The following PLA2G4C variants were observed in gnomAD, a reference collection of about 807,000 sequenced individuals.
The protein encoded by PLA2G4C is phospholipase A2 group IVC.
In PLA2G4C, 64 loss-of-function variants were observed where a neutral mutation model predicts 73.8. The ratio of observed to expected loss-of-function variants is 0.87; its 90% CI spans 0.71 to 1.07. The LOEUF (loss-of-function observed/expected upper bound fraction) is 1.07, where lower values mean the gene tolerates loss of function less well. Ranked by LOEUF, PLA2G4C falls within the 50% of genes least tolerant of loss-of-function variation. The pLI is 0.00. For synonymous variants in PLA2G4C, 254 were observed against 252.1 expected, an observed-to-expected ratio of 1.01 and a Z score of -0.07; for missense variants, 622 against 665.4, an observed-to-expected ratio of 0.93 and a Z score of 0.72.
intron 8 of PLA2G4C, chr19:48,090,130 G>T (rs143604057): frequency 4.0e-6 from 2 of 494,502 alleles, no homozygotes; most frequent in South Asian, 6.3e-5. Flanking sequence ...GTAACTTTTC[G>T]GAGGTCACAA....
intron 5 of PLA2G4C, 77 bp from the exon 6 acceptor site, chr19:48,098,336 A>ATT (rs11432234): frequency 7.2e-3 from 8,132 of 1,126,046 alleles, no homozygotes; most frequent in Non-Finnish European, 7.8e-3. Context: ...CGTAGGCCAC[A>ATT]TTTTTTTTTA....
chr19:48,102,860 T>A (rs2031986395), intron 4 of PLA2G4C, among the ~76,000 whole-genome samples: 1 of 152,198 alleles, frequency 6.6e-6, no homozygotes, highest in Non-Finnish European at 1.5e-5. Flanking sequence ...GCCCTCTCCA[T>A]GAGGCAGGCG....
chr19:48,081,754 C>T (rs1450621392), intron 10 of PLA2G4C, among the ~76,000 whole-genome samples: 4 of 144,772 alleles, frequency 2.8e-5, no homozygotes, highest in African/African-American at 5.2e-5. Flanking sequence ...AGTGAAATTC[C>T]GTCTCAAAAA....
Position 48,048,204 on chromosome 19 carries a change from T to C in PLA2G4C, c.*139A>G, listed in dbSNP as rs1600134855. ...TCACAGTCTAGCTGGTCACTGGTGA[T>C]TGGCCCTGTTAGGACAGCCAAGGTG... On this transcript the variant is annotated 3_prime_UTR_variant, in exon 17 of 17. Coordinates refer to ENST00000599921, the MANE Select transcript of PLA2G4C (RefSeq NM_003706.3). 1.6e-6 allele frequency: 1 copy of C among 632,054 alleles called. No homozygotes were observed. The highest frequency in any genetic ancestry group is 3.2e-5 in the East Asian group (1 of 31,122). 39.2% of individuals were successfully genotyped at this position (632,054 alleles called of 1,614,324 possible).
chr19:48,095,553 G>C lies in PLA2G4C; in HGVS notation c.620C>G (p.Ala207Gly), dbSNP rs1568447936. The part of the protein sequence containing the change: ...PHHAGFSALG[A>G]FVSITHFGSK... ...TCCGAAGTGGGTTATGGAAACAAAG[G>C]CCCCCAGTGCAGAGAAGCCAGCGTG... The change falls in exon 7 of 17, where the codon GCC becomes GGC. Residue 207 changes from alanine (A) to glycine (G), a missense_variant. Transcript: ENST00000599921. The C allele has an allele frequency of 6.2e-7, 1 of 1,613,860 alleles. No individual in the cohort carries two copies. The highest frequency in any genetic ancestry group is 8.5e-7 in the Non-Finnish European group (1 of 1,179,788).
intron 11 of PLA2G4C, among the ~76,000 whole-genome samples, chr19:48,075,173 T>C (rs2030059433): frequency 6.7e-6 from 1 of 150,326 alleles, no homozygotes; most frequent in Non-Finnish European, 1.5e-5. Context: ...TTTATTTATT[T>C]ATTTATTTAT....
intron 11 of PLA2G4C, among the ~76,000 whole-genome samples, chr19:48,075,153 CATTTATTT>C (rs71181640): frequency 0.035 from 4,902 of 139,938 alleles, 137 homozygotes; most frequent in African/African-American, 0.051. Context: ...CAAAGTCTCC[CATTTATTT>C]ATTTATTTAT....
At chr19:48,085,893 G>C (rs2030945614) in intron 9 of PLA2G4C, among the ~76,000 whole-genome samples, 1 of 152,188 alleles carries the variant, frequency 6.6e-6, no homozygotes, top group South Asian at 2.1e-4. Flanking sequence ...TGGAATATAA[G>C]TAGGAGCTGT....
At chr19:48,090,225 T>C in intron 8 of PLA2G4C, 139 bp downstream of exon 8, 1 of 695,680 alleles carries the variant, frequency 1.4e-6, no homozygotes. Context: ...CCCAATTATA[T>C]GAGAATAAAT....
intron 14 of PLA2G4C, chr19:48,061,690 T>G: frequency 2.3e-5 from 8 of 341,814 alleles, no homozygotes; most frequent in South Asian, 8.3e-5. Context: ...GGTGCACAGG[T>G]GAGGAGCTAG....
At chr19:48,069,044 CAAAA>C (rs11350634) in intron 12 of PLA2G4C, among the ~76,000 whole-genome samples, 17 of 113,042 alleles carry the variant, frequency 1.5e-4, no homozygotes, top group East Asian at 2.5e-4. Context: ...AACCCCATCT[CAAAA>C]AAAAAAAAAA....
chr19:48,071,922 C>A (rs939179443), intron 12 of PLA2G4C, among the ~76,000 whole-genome samples: 3 of 151,708 alleles, frequency 2.0e-5, no homozygotes, highest in African/African-American at 7.3e-5. Flanking sequence ...CTGAGGTGGG[C>A]GGATCACAAG....
chr19:48,070,933 C>CT (rs1391480385), intron 12 of PLA2G4C, among the ~76,000 whole-genome samples: 39 of 18,768 alleles, frequency 2.1e-3, no homozygotes, highest in East Asian at 0.01. Context: ...GTCTCGGTTT[C>CT]CGCCTGTTGG....
At chr19:48,090,683 T>C (rs2122630079) in intron 7 of PLA2G4C, 1 of 451,488 alleles carries the variant, frequency 2.2e-6, no homozygotes, top group Non-Finnish European at 4.0e-6. Flanking sequence ...CACTGTAGAC[T>C]GGCTACCCCA....
chr19:48,082,496 C>CTTTTTTTTTTTTTTTT (rs66641645), intron 10 of PLA2G4C, among the ~76,000 whole-genome samples: 5 of 106,272 alleles, frequency 4.7e-5, no homozygotes, highest in Non-Finnish European at 5.3e-5. Context: ...TTCTTTCTTT[C>CTTTTTTTTTTTTTTTT]TTTTTTTTTT....
chr19:48,105,560 T>A lies in PLA2G4C; in HGVS notation c.9-116A>T, dbSNP rs577880757. ...AGGTAGCCACCAGCCCACGGGTACA[T>A]GGTTTCCTTTTGGGGTGAGGAAAAT... On this transcript the variant is annotated intron_variant, in intron 2 of 16. Transcript: ENST00000599921. 24 of 720,588 alleles carry A rather than the reference T, an allele frequency of 3.3e-5. No individual in the cohort carries two copies. In the South Asian group the frequency reaches 3.8e-4, roughly 11 times the overall value. The allele number at this position is 720,588 out of a possible 1,614,324, so 44.6% of individuals were successfully genotyped here. A position where few individuals can be genotyped will look rare whatever the true frequency, so the allele number is the denominator to read the frequency against.
intron 16 of PLA2G4C, among the ~76,000 whole-genome samples, chr19:48,052,617 C>G (rs181644785): frequency 1.5e-4 from 23 of 152,242 alleles, no homozygotes; most frequent in African/African-American, 5.5e-4. Context: ...AGTGTGAAAA[C>G]GGACCAATAT....
At chr19:48,099,381 C>T (rs1296249995) in intron 5 of PLA2G4C, among the ~76,000 whole-genome samples, 3 of 152,160 alleles carry the variant, frequency 2.0e-5, no homozygotes, top group Non-Finnish European at 4.4e-5. Flanking sequence ...TGCCTTATTC[C>T]ATCATAAGTC....
At chr19:48,099,979 A>G in intron 4 of PLA2G4C, 119 bp from the exon 5 acceptor site, 3 of 612,988 alleles carry the variant, frequency 4.9e-6, no homozygotes, top group Non-Finnish European at 8.5e-6. Flanking sequence ...AGGGCGACAC[A>G]CAGAGGAAAC....
Sources: gnomAD v4.1 joint callset for allele counts (sites outside exome capture counted in the v4.1 genomes callset) on GRCh38, gnomAD v4.1.1 for gene constraint, MANE v1.5 for transcripts, NCBI Gene and HGNC (gene_info 2026-07-23, HGNC 2026-07-21) for gene names.